Variants in TAPBPL observed in about 807,000 individuals in gnomAD.
TAPBPL encodes tapasin-related protein.
A neutral mutation model predicts 44.8 loss-of-function variants in TAPBPL; 32 were observed. The observed-to-expected ratio is 0.71, with a 90% confidence interval of 0.54 to 0.96. TAPBPL has a LOEUF of 0.96. Ranked by LOEUF, TAPBPL falls within the 40% of genes least tolerant of loss-of-function variation. The pLI is 0.00. For missense variants in TAPBPL, 520 were observed against 586.6 expected, an observed-to-expected ratio of 0.89 and a Z score of 1.17; for synonymous variants, 230 against 240.7, an observed-to-expected ratio of 0.96 and a Z score of 0.41.
At chr12:6,463,650 G>A (rs540456464), downstream of TAPBPL, 27 of 1,088,742 alleles carry the variant, frequency 2.5e-5, no homozygotes, top group Non-Finnish European at 2.6e-5. This position sits in a 1 kb window ranked among gnomAD's most constrained non-coding sequence, Gnocchi z 4.0. Flanking sequence ...TGGGAGCTAG[G>A]TTAAATTATT....
downstream of TAPBPL, chr12:6,463,434 G>A (rs931318184): frequency 7.6e-6 from 8 of 1,047,554 alleles, no homozygotes; most frequent in East Asian, 8.9e-5. This position sits in a 1 kb window ranked among gnomAD's most constrained non-coding sequence, Gnocchi z 4.0. Context: ...CACGGGTGGT[G>A]TGGAGGAAAG....
At chr12:6,459,424 A>T (rs1206821229) in intron 5 of TAPBPL, among the ~76,000 whole-genome samples, 1 of 152,244 alleles carries the variant, frequency 6.6e-6, no homozygotes. Context: ...TATGGGAAAA[A>T]GGGAAAGTGG....
chr12:6,467,330 G>C (rs1945654474), downstream of TAPBPL, among the ~76,000 whole-genome samples: 2 of 152,182 alleles, frequency 1.3e-5, no homozygotes, highest in African/African-American at 2.4e-5. Context: ...GAACCTCCTA[G>C]AGACTTGTTG....
downstream of TAPBPL, chr12:6,464,099 ACCGATACT>A: frequency 7.6e-7 from 1 of 1,315,068 alleles, no homozygotes; most frequent in Middle Eastern, 2.1e-4. Context: ...CACCATGGGC[ACCGATACT>A]CTTCTCCTCC....
At chr12:6,461,326 AG>A in intron 6 of TAPBPL, 1 of 1,041,510 alleles carries the variant, frequency 9.6e-7, no homozygotes, top group Non-Finnish European at 1.2e-6. Context: ...GGCAGAGAAC[AG>A]GAAGAAGTGA....
chr12:6,465,105 T>G, downstream of TAPBPL: 2 of 943,712 alleles, frequency 2.1e-6, no homozygotes, highest in Non-Finnish European at 3.1e-6. Flanking sequence ...ACCCTTCTGC[T>G]TCCCAGGGGA....
downstream of TAPBPL, chr12:6,466,356 G>A (rs1565527337): frequency 6.2e-7 from 1 of 1,612,472 alleles, no homozygotes; most frequent in Non-Finnish European, 8.5e-7. Context: ...GCAGACCTGT[G>A]GAAAGACATG....
chr12:6,459,086 C>A, intron 5 of TAPBPL, 139 bp downstream of exon 5: 10 of 1,012,938 alleles, frequency 9.9e-6, no homozygotes, highest in Non-Finnish European at 1.4e-5. Flanking sequence ...CTGCTCCTGA[C>A]TATTTTCCCA....
chr12:6,464,326 G>A (rs770880125), downstream of TAPBPL: 34 of 1,548,526 alleles, frequency 2.2e-5, no homozygotes, highest in Non-Finnish European at 2.8e-5. Flanking sequence ...GCAAATGAAC[G>A]CAACGAAAAA....
At chr12:6,456,942 C>G (rs554906918) in intron 3 of TAPBPL, among the ~76,000 whole-genome samples, 2 of 152,206 alleles carry the variant, frequency 1.3e-5, no homozygotes, top group Non-Finnish European at 2.9e-5. Context: ...CATGAGCCAC[C>G]GCACCCAGCC....
At chr12:6,463,442 A>G (rs941883742), downstream of TAPBPL, 1 of 1,044,580 alleles carries the variant, frequency 9.6e-7, no homozygotes, top group African/African-American at 1.7e-5. The surrounding 1 kb of genome is among the most constrained non-coding windows in gnomAD (Gnocchi z 4.0). Context: ...GTGTGGAGGA[A>G]AGGATTCCAT....
downstream of TAPBPL, among the ~76,000 whole-genome samples, chr12:6,467,450 G>C (rs1945657011): frequency 6.6e-6 from 1 of 152,198 alleles, no homozygotes; most frequent in South Asian, 2.1e-4. Flanking sequence ...GGTGACTCTT[G>C]TTATGTTTTG....
At chr12:6,452,338 G>T in intron 1 of TAPBPL, 26 bp downstream of exon 1, 1 of 1,563,838 alleles carries the variant, frequency 6.4e-7, no homozygotes, top group Non-Finnish European at 8.7e-7. Context: ...GGGGAGAGCT[G>T]GCTGGGAGAA....
chr12:6,458,131 TA>T (rs1348934086), intron 4 of TAPBPL, among the ~76,000 whole-genome samples: 1 of 152,174 alleles, frequency 6.6e-6, no homozygotes, highest in African/African-American at 2.4e-5. Flanking sequence ...CTCACACCTA[TA>T]ATCCCAGCAC....
intron 3 of TAPBPL, among the ~76,000 whole-genome samples, chr12:6,455,728 G>C (rs1038959004): frequency 7.3e-5 from 11 of 151,664 alleles, no homozygotes; most frequent in Admixed American, 4.6e-4. Context: ...CCAGGAGTTT[G>C]AGTCCTGTCT....
chr12:6,453,860 C>A lies in TAPBPL; in HGVS notation c.565+144C>A, dbSNP rs919652405. ...CGGTGAAACCCCGTCTCTACTAATA[C>A]CAAAATTAGCCGGGCATGGTGGCGG... On this transcript the variant is annotated intron_variant, in intron 3 of 6. Coordinates refer to ENST00000266556, the MANE Select transcript of TAPBPL (RefSeq NM_018009.5). The surrounding 1 kb of genome is among the most constrained non-coding windows in gnomAD (Gnocchi z 4.8). 4.0e-5 allele frequency: 45 copies of A among 1,116,604 alleles called. No individual in the cohort carries two copies. Among genetic ancestry groups the A allele is most frequent in the Non-Finnish European group, 5.1e-5 (42 of 816,916 alleles). The allele number at this position is 1,116,604 out of a possible 1,614,324, so 69.2% of individuals were successfully genotyped here.
downstream of TAPBPL, chr12:6,464,767 C>A: frequency 6.5e-7 from 1 of 1,546,082 alleles, no homozygotes; most frequent in South Asian, 1.2e-5. Flanking sequence ...GTGACGATCC[C>A]ATAGCAGCGG....
At position 6,453,836 on chromosome 12, in the gene TAPBPL, G is replaced by A. The variant is rs1208654388; in HGVS notation, c.565+120G>A. The A allele has an allele frequency of 2.9e-5, 38 of 1,300,216 alleles. No individual in the cohort carries two copies. The highest frequency in any genetic ancestry group is 3.3e-5 in the Non-Finnish European group (32 of 978,520). The allele number at this position is 1,300,216 out of a possible 1,614,324, so 80.5% of individuals were successfully genotyped here. ...AGTTTGAGATCAGCCTGGTCAACAC[G>A]GTGAAACCCCGTCTCTACTAATACC... On this transcript the variant is annotated intron_variant, in intron 3 of 6. Coordinates refer to ENST00000266556, the MANE Select transcript of TAPBPL (RefSeq NM_018009.5). The surrounding 1 kb of genome is among the most constrained non-coding windows in gnomAD (Gnocchi z 4.8).
intron 1 of TAPBPL, chr12:6,452,560 T>C: frequency 3.6e-6 from 5 of 1,388,680 alleles, no homozygotes; most frequent in Non-Finnish European, 4.7e-6. Context: ...GGAGCCACTG[T>C]CCTACAGAGA....
Sources: allele counts gnomAD v4.1 joint callset (sites outside exome capture counted in the v4.1 genomes callset), GRCh38; gene constraint gnomAD v4.1.1; non-coding constraint Gnocchi (gnomAD v3.1); transcripts MANE v1.5; gene names NCBI Gene and HGNC (gene_info 2026-07-23, HGNC 2026-07-21).